Variants in LRRC8B observed in about 807,000 individuals in gnomAD.
LRRC8B encodes leucine rich repeat containing 8 VRAC subunit B, also known as volume-regulated anion channel subunit LRRC8B.
LRRC8B carries 23 observed loss-of-function variants against 58.8 expected under a neutral mutation model. The observed-to-expected ratio is 0.39, with a 90% CI of 0.28 to 0.55. LRRC8B has a LOEUF of 0.55. Ranked by LOEUF, LRRC8B falls within the 20% of genes least tolerant of loss-of-function variation. The pLI is 0.62. For synonymous variants in LRRC8B, 359 were observed against 374.1 expected (o/e 0.96, Z 0.47); for missense variants, 694 against 936.0 (o/e 0.74, Z 3.37).
Position 89,592,819 on chromosome 1 carries a change from T to G in LRRC8B, c.2188T>G (p.Leu730Val). ...GTTTCAGTGCAAAAAGCTGCAGTGT[T>G]TACTTTTGGGGAAAAATAGCTTGAT... is the stretch of plus-strand genomic sequence containing the variant. ...GLFQCKKLQCLLLGKNSLMNL... is the reference protein window; with the variant it reads ...GLFQCKKLQCVLLGKNSLMNL... Residue 730 changes from leucine (L) to valine (V), a missense_variant, in exon 6 of 6, where the codon TTA becomes GTA. Leu to Val is a conservative substitution (Grantham distance 32, BLOSUM62 1). This residue lies in a region of LRRC8B where 139 missense variants were observed against 158.2 expected (regional missense o/e 0.88). Coordinates refer to ENST00000330947, the MANE Select transcript of LRRC8B (RefSeq NM_001369817.2). 3 of 1,614,170 alleles carry G rather than the reference T, an allele frequency of 1.9e-6. No individual in the cohort carries two copies. The highest frequency in any genetic ancestry group is 2.5e-6 in the Non-Finnish European group (3 of 1,180,024).
At chr1:89,571,193 G>C (rs533395177) in intron 3 of LRRC8B, among the ~76,000 whole-genome samples, 3 of 152,128 alleles carry the variant, frequency 2.0e-5, no homozygotes, top group Non-Finnish European at 2.9e-5. Flanking sequence ...TGGCTGTGCA[G>C]GTTCTTTTTT....
At chr1:89,547,270 T>C (rs1346131342) in intron 1 of LRRC8B, among the ~76,000 whole-genome samples, 4 of 152,124 alleles carry the variant, frequency 2.6e-5, no homozygotes, top group Non-Finnish European at 5.9e-5. Context: ...TTGTTAAATA[T>C]TTACCAGCAT....
intron 1 of LRRC8B, among the ~76,000 whole-genome samples, chr1:89,529,496 GT>G (rs944625170): frequency 1.4e-5 from 2 of 145,618 alleles, no homozygotes; most frequent in East Asian, 3.9e-4. Flanking sequence ...CTCTCTCTCT[GT>G]TTTTTTACCT....
At chr1:89,526,423 C>T (rs1649706524) in intron 1 of LRRC8B, among the ~76,000 whole-genome samples, 2 of 152,116 alleles carry the variant, frequency 1.3e-5, no homozygotes. Context: ...CCATGTTGGC[C>T]AGGCTGGTCT....
chr1:89,552,795 A>G (rs934010792), intron 1 of LRRC8B, among the ~76,000 whole-genome samples: 1 of 152,206 alleles, frequency 6.6e-6, no homozygotes, highest in Non-Finnish European at 1.5e-5. Context: ...TGGCTACAGG[A>G]AAAGATATTT....
chr1:89,541,745 A>G (rs1651005731), intron 1 of LRRC8B, among the ~76,000 whole-genome samples: 1 of 126,088 alleles, frequency 7.9e-6, no homozygotes, highest in Non-Finnish European at 1.7e-5. Flanking sequence ...AAAAAAAAAA[A>G]AAAAGCTGGC....
At chr1:89,566,433 A>G (rs1229537514) in intron 1 of LRRC8B, among the ~76,000 whole-genome samples, 1 of 152,218 alleles carries the variant, frequency 6.6e-6, no homozygotes, top group Non-Finnish European at 1.5e-5. Context: ...TTTACATAGT[A>G]AAGCCTTAAA....
chr1:89,590,774 G>A (rs1654927209), intron 5 of LRRC8B, among the ~76,000 whole-genome samples: 1 of 152,232 alleles, frequency 6.6e-6, no homozygotes, highest in South Asian at 2.1e-4. Context: ...AATGCCTAAT[G>A]CAGCTCAGGT....
At chr1:89,591,889 G>C (rs184575003) in intron 5 of LRRC8B, among the ~76,000 whole-genome samples, 1 of 152,118 alleles carries the variant, frequency 6.6e-6, no homozygotes, top group African/African-American at 2.4e-5. Context: ...TATTATGGGG[G>C]GTAGGGAGCG....
In LRRC8B at chr1:89,584,204, G is replaced by A. The variant is rs758315711; in HGVS notation, c.1554G>A (p.Ser518=). Residue 518 remains serine (S), a synonymous_variant, in exon 5 of 6, where the codon TCG becomes TCA. Transcript: ENST00000330947. ...AGAATCTCAAGGAACTTTATCTTTC[G>A]GGCTGTGTTCTCCCTGAACAGTTGA... ...HLKNLKELYL[S]GCVLPEQLST... is the part of the protein sequence containing the mutation. 9.0e-5 allele frequency: 145 copies of A among 1,611,130 alleles called. No individual in the cohort carries two copies. Among genetic ancestry groups the A allele is most frequent in the South Asian group, 2.6e-4 (24 of 91,076 alleles).
rs1655175864 is a variant in LRRC8B, at chr1:89,594,325, C to T, written c.*1282C>T. The stretch of plus-strand genomic sequence containing the variant: ...TAACAAAAGCCTTGTGTTTAATGCC[C>T]TAAAGTATTTGGGGGTTTCCTTGTG... On this transcript the variant is annotated 3_prime_UTR_variant, in exon 6 of 6. Transcript: ENST00000330947. 6.6e-6 allele frequency: 1 copy of T among 152,082 alleles called. No homozygotes were observed. Among genetic ancestry groups the T allele is most frequent in the African/African-American group, 2.4e-5 (1 of 41,406 alleles). The allele number at this position is 152,082 out of a possible 1,614,324, so 9.4% of individuals were successfully genotyped here. A position where few individuals can be genotyped will look rare whatever the true frequency, so the allele number is the denominator to read the frequency against.
In LRRC8B at chr1:89,524,894, G is replaced by T. The variant is rs1050221432; in HGVS notation, c.-369G>T. 6 of 152,370 alleles carry T rather than the reference G, an allele frequency of 3.9e-5. No individual in the cohort carries two copies. Among genetic ancestry groups the T allele is most frequent in the African/African-American group, 1.4e-4 (6 of 41,576 alleles). 9.4% of individuals were successfully genotyped at this position (152,370 alleles called of 1,614,324 possible). A position where few individuals can be genotyped will look rare whatever the true frequency, so the allele number is the denominator to read the frequency against. On this transcript the variant is annotated 5_prime_UTR_variant, in exon 1 of 6. Transcript: ENST00000330947. Reference sequence around the variant, plus strand: ...GGAGGCGGCGAGCCGGACAGCGCCGGGGCTTCCCGCTGAGCCCGCAGCCTC... The same window carrying T: ...GGAGGCGGCGAGCCGGACAGCGCCGTGGCTTCCCGCTGAGCCCGCAGCCTC...
intron 1 of LRRC8B, among the ~76,000 whole-genome samples, chr1:89,543,682 G>A (rs1289063979): frequency 2.0e-5 from 3 of 149,918 alleles, no homozygotes; most frequent in Non-Finnish European, 3.0e-5. Context: ...TTTTAGTAGA[G>A]ATGAGATTTT....
intron 1 of LRRC8B, among the ~76,000 whole-genome samples, chr1:89,529,144 A>G (rs359924): frequency 0.024 from 3,700 of 152,324 alleles, 149 homozygotes; most frequent in African/African-American, 0.084. Context: ...TAAATGTTAT[A>G]CATTAACATA....
At position 89,584,795 on chromosome 1, in the gene LRRC8B, TA is replaced by T. The variant is rs1393182678; in HGVS notation, c.2139+9del. 5.8e-6 allele frequency: 9 copies of T among 1,559,644 alleles called. No homozygotes were observed. Among genetic ancestry groups the T allele is most frequent in the Non-Finnish European group, 7.9e-6 (9 of 1,145,698 alleles). ...TTGCTGTGACCAACAACAATGTAAG[TA>T]AATCCATTCTTTCTTTTATTCAGTA... On this transcript the variant is annotated splice_region_variant and intron_variant, in intron 5 of 5. Coordinates refer to ENST00000330947, the MANE Select transcript of LRRC8B (RefSeq NM_001369817.2).
At chr1:89,555,662 A>G (rs1006721728) in intron 1 of LRRC8B, among the ~76,000 whole-genome samples, 8 of 152,170 alleles carry the variant, frequency 5.3e-5, no homozygotes, top group African/African-American at 1.9e-4. Flanking sequence ...ACCTGTCATC[A>G]TGTCAAGGAG....
intron 1 of LRRC8B, among the ~76,000 whole-genome samples, chr1:89,556,416 A>C (rs544574123): frequency 6.6e-6 from 1 of 152,276 alleles, no homozygotes; most frequent in South Asian, 2.1e-4. Flanking sequence ...TAAATTATCA[A>C]ATTTGAAGAG....
Position 89,579,664 on chromosome 1 carries a change from G to A in LRRC8B, c.-51G>A, listed in dbSNP as rs1654084018. On this transcript the variant is annotated 5_prime_UTR_variant, in exon 4 of 6. Coordinates refer to ENST00000330947, the MANE Select transcript of LRRC8B (RefSeq NM_001369817.2). ...TAGACCTCCTGACTGAAGCATATTG[G>A]ATTTATTTAATTTTTTTCACTGTAG... 6.6e-6 allele frequency: 1 copy of A among 152,338 alleles called. No homozygotes were observed. Among genetic ancestry groups the A allele is most frequent in the African/African-American group, 2.4e-5 (1 of 41,328 alleles). 9.4% of individuals were successfully genotyped at this position (152,338 alleles called of 1,614,324 possible). A position where few individuals can be genotyped will look rare whatever the true frequency, so the allele number is the denominator to read the frequency against.
intron 4 of LRRC8B, among the ~76,000 whole-genome samples, chr1:89,581,787 T>C (rs536270804): frequency 2.0e-5 from 3 of 152,376 alleles, no homozygotes; most frequent in East Asian, 3.9e-4. Context: ...TCTTTCTTAT[T>C]CTTTTTTAAG....
Sources: gnomAD v4.1 joint callset for allele counts (sites outside exome capture counted in the v4.1 genomes callset) on GRCh38, gnomAD v4.1.1 for gene constraint, gnomAD v4.1.1 regional missense constraint, MANE v1.5 for transcripts, NCBI Gene and HGNC (gene_info 2026-07-23, HGNC 2026-07-21) for gene names.